Variants in VCP observed in about 807,000 individuals in gnomAD.
VCP encodes valosin containing protein.
In VCP, 6 loss-of-function variants were observed where a neutral mutation model predicts 85.7. The observed-to-expected ratio is 0.07, with a 90% CI of 0.04 to 0.14. The LOEUF is 0.14. Among genes scored for constraint, VCP ranks in the 10% least tolerant of loss-of-function variants. The pLI, the probability that VCP is intolerant of heterozygous loss-of-function variation, is 1.00. For missense variants in VCP, 353 were observed against 1,043.4 expected (o/e 0.34, Z 9.12); for synonymous variants, 384 against 367.1 (o/e 1.05, Z -0.53).
chr9:35,061,891 A>C, intron 9 of VCP, 112 bp downstream of exon 9: 1 of 1,580,802 alleles, frequency 6.3e-7, no homozygotes, highest in East Asian at 2.2e-5. Context: ...TAAAGGAAAA[A>C]GACCCCTGGA....
intron 13 of VCP, chr9:35,060,005 G>T: frequency 1.4e-6 from 1 of 690,550 alleles, no homozygotes; most frequent in Non-Finnish European, 2.4e-6. Context: ...GGTGACGCAT[G>T]CCTATAGTCC....
Position 35,056,953 on chromosome 9 carries a change from G to T in VCP, c.*164C>A. On this transcript the variant is annotated 3_prime_UTR_variant, in exon 17 of 17. Transcript: ENST00000358901. ...TTTATCGCTTTTGTTTTGTATTTTT[G>T]CAACAGAAACCCCCTGTCCAGAGTC... The T allele has an allele frequency of 1.4e-6, 1 of 701,398 alleles. No individual in the cohort carries two copies. The highest frequency in any genetic ancestry group is 2.5e-6 in the Non-Finnish European group (1 of 403,106). The allele number at this position is 701,398 out of a possible 1,614,324, so 43.4% of individuals were successfully genotyped here. A position where few individuals can be genotyped will look rare whatever the true frequency, so the allele number is the denominator to read the frequency against.
rs928447067 is a variant in VCP at position 35,063,210 on chromosome 9, T to G, written c.709-130A>C. Reference sequence around the variant, plus strand: ...AATATTAAGAATAAGCCCTCCGCAGTAAATGCTAAGAAGACAATTACTTTA... The same window carrying G: ...AATATTAAGAATAAGCCCTCCGCAGGAAATGCTAAGAAGACAATTACTTTA... On this transcript the variant is annotated intron_variant, in intron 6 of 16. Transcript: ENST00000358901. 9 of 795,506 alleles carry G rather than the reference T, an allele frequency of 1.1e-5. No homozygotes were observed. In the African/African-American group the frequency reaches 1.5e-4, roughly 14 times the overall value. The allele number at this position is 795,506 out of a possible 1,614,324, so 49.3% of individuals were successfully genotyped here.
At chr9:35,060,145 G>GA (rs374812067) in intron 13 of VCP, among the ~76,000 whole-genome samples, 168 bp downstream of exon 13, 5 of 147,800 alleles carry the variant, frequency 3.4e-5, no homozygotes, top group African/African-American at 9.9e-5. Flanking sequence ...GAGAGAGAGA[G>GA]AAAAAAAAAA....
rs371611274 is a variant in VCP, at chr9:35,071,014, A to T, written c.17+1323T>A. ...AGAACTGCACAGGGGACTCCACGGG[A>T]CTTGGAAGGGTTTCAGCTAAGAGTC... On this transcript the variant is annotated intron_variant, in intron 1 of 16. Transcript: ENST00000358901. Among the ~76,000 whole-genome samples the T allele has an allele frequency of 2.7e-4, 41 of 152,308 alleles. No individual in the cohort carries two copies. The East Asian group carries it at 6.8e-3, about 25-fold the overall frequency.
chr9:35,063,221 A>C, intron 6 of VCP, 141 bp from the exon 7 acceptor site: 1 of 756,080 alleles, frequency 1.3e-6, no homozygotes, highest in South Asian at 1.5e-5. Flanking sequence ...AAATGCTAAG[A>C]AGACAATTAC....
chr9:35,065,767 G>C (rs1791397472), intron 4 of VCP, among the ~76,000 whole-genome samples: 1 of 152,128 alleles, frequency 6.6e-6, no homozygotes, highest in Non-Finnish European at 1.5e-5. Context: ...TACTCTCCTG[G>C]AACAGAGAAG....
intron 6 of VCP, among the ~76,000 whole-genome samples, chr9:35,063,783 C>T (rs1828773598): frequency 1.3e-5 from 2 of 152,238 alleles, no homozygotes; most frequent in Admixed American, 1.3e-4. Flanking sequence ...ATTTCCTTAA[C>T]TTCCTTACTT....
Position 35,057,371 on chromosome 9 carries a change from C to T in VCP, c.2315+5G>A. 2 of 1,614,276 alleles carry T rather than the reference C, an allele frequency of 1.2e-6. No homozygotes were observed. Among genetic ancestry groups the T allele is most frequent in the Non-Finnish European group, 1.7e-6 (2 of 1,180,050 alleles). On this transcript the variant is annotated splice_donor_5th_base_variant and intron_variant, in intron 16 of 16. Coordinates refer to ENST00000358901, the MANE Select transcript of VCP (RefSeq NM_007126.5). ...AGCACTGTCTAATGCTCCCAACCAA[C>T]TTACCTGAAGCTGCCAAAGCCCCGA...
intron 15 of VCP, among the ~76,000 whole-genome samples, 178 bp downstream of exon 15, chr9:35,058,886 C>T (rs748204384): frequency 7.2e-5 from 11 of 152,242 alleles, no homozygotes; most frequent in African/African-American, 1.4e-4. Context: ...CATCTCTTCT[C>T]GGCCTTATTC....
At chr9:35,065,012 T>C (rs568340897) in intron 5 of VCP, among the ~76,000 whole-genome samples, 20 of 152,266 alleles carry the variant, frequency 1.3e-4, no homozygotes, top group African/African-American at 4.8e-4. Flanking sequence ...GGATTACAGA[T>C]GTGTACCACC....
chr9:35,061,762 A>T, intron 9 of VCP, 73 bp from the exon 10 acceptor site: 1 of 1,425,814 alleles, frequency 7.0e-7, no homozygotes, highest in Non-Finnish European at 9.9e-7. Context: ...TAGGGTGACC[A>T]ACCATCTCAG....
At chr9:35,070,168 C>T (rs1029794769) in intron 1 of VCP, among the ~76,000 whole-genome samples, 1 of 152,184 alleles carries the variant, frequency 6.6e-6, no homozygotes, top group African/African-American at 2.4e-5. Context: ...TAGTTTCTAA[C>T]GACAGTTTCC....
chr9:35,066,091 G>A (rs891650281), intron 4 of VCP, among the ~76,000 whole-genome samples: 1 of 151,030 alleles, frequency 6.6e-6, no homozygotes, highest in Non-Finnish European at 1.5e-5. Flanking sequence ...GCACCACTGC[G>A]CTCCAGCCTG....
chr9:35,059,235 G>A lies in VCP; in HGVS notation c.2005-16C>T. 6.2e-7 allele frequency: 1 copy of A among 1,614,184 alleles called. No homozygotes were observed. Among genetic ancestry groups the A allele is most frequent in the South Asian group, 1.1e-5 (1 of 91,072 alleles). ...AGTCCACATCCTAAAAGCAGCAGCA[G>A]AGGTACCTTAGCATTTAGCCTCTCC... On this transcript the variant is annotated splice_polypyrimidine_tract_variant and intron_variant, in intron 14 of 16. Transcript: ENST00000358901. This position sits in a 1 kb window ranked among gnomAD's most constrained non-coding sequence, Gnocchi z 4.9.
At chr9:35,057,852 A>C in intron 15 of VCP, 1 of 426,154 alleles carries the variant, frequency 2.3e-6, no homozygotes, top group Non-Finnish European at 4.4e-6. Context: ...TATAGAACTT[A>C]CACACACTTG....
At chr9:35,068,446 G>A in intron 1 of VCP, 84 bp from the exon 2 acceptor site, 6 of 1,213,110 alleles carry the variant, frequency 4.9e-6, no homozygotes, top group Non-Finnish European at 7.4e-6. Flanking sequence ...GAAAGAAACA[G>A]TGAATAGATG....
chr9:35,064,649 G>A (rs373541331), intron 5 of VCP, among the ~76,000 whole-genome samples: 2 of 152,202 alleles, frequency 1.3e-5, no homozygotes, highest in African/African-American at 4.8e-5. Context: ...CTGAGAAGGG[G>A]TCTCTAAAAT....
rs772756435 is a variant in VCP at position 35,060,928 on chromosome 9, A to G, written c.1360-5T>C. On this transcript the variant is annotated splice_region_variant and splice_polypyrimidine_tract_variant and intron_variant, in intron 11 of 16. Transcript: ENST00000358901. The stretch of plus-strand genomic sequence containing the variant: ...GTTACTCTGGCTCAAGGCCCACTAG[A>G]AAAGGAGGGAAAACTGGGGATGAGA... 1.9e-6 allele frequency: 3 copies of G among 1,614,128 alleles called. No individual in the cohort carries two copies. Among genetic ancestry groups the G allele is most frequent in the Non-Finnish European group, 2.5e-6 (3 of 1,180,030 alleles).
Sources: gnomAD v4.1 joint callset for allele counts (sites outside exome capture counted in the v4.1 genomes callset) on GRCh38, gnomAD v4.1.1 for gene constraint, Gnocchi (gnomAD v3.1) non-coding constraint, MANE v1.5 for transcripts, NCBI Gene and HGNC (gene_info 2026-07-23, HGNC 2026-07-21) for gene names.